CSMD2: variants seen among roughly 807,000 people sequenced by gnomAD.
The protein encoded by CSMD2 is CUB and Sushi multiple domains 2.
Under a neutral mutation model 398.5 loss-of-function variants are expected in CSMD2, and 130 were observed. The observed-to-expected ratio is 0.33, with a 90% CI of 0.28 to 0.38. CSMD2 has a LOEUF of 0.38. CSMD2 is among the 10% of genes least tolerant of loss of function. CSMD2 has a pLI of 1.00. For synonymous variants in CSMD2, 1,828 were observed against 1,908.5 expected, an observed-to-expected ratio of 0.96 and a Z score of 1.10; for missense variants, 3,829 against 4,764.9, an observed-to-expected ratio of 0.80 and a Z score of 5.78.
chr1:34,025,263 C>CTT lies in CSMD2; in HGVS notation c.517+7329_517+7330dup, dbSNP rs112779380. ...TAGCAAAAGCATACCAGGGTTTTGT[C>CTT]TTTTTTTTTCCAGAAGTGACACTAA... On this transcript the variant is annotated intron_variant, in intron 3 of 70. Transcript: ENST00000373381. 4.6e-4 allele frequency among the ~76,000 whole-genome samples: 69 copies of CTT among 151,564 alleles called. 1 individual carries two copies. The highest frequency in any genetic ancestry group is 7.4e-4 in the Non-Finnish European group (50 of 67,826).
intron 5 of CSMD2, among the ~76,000 whole-genome samples, chr1:33,872,764 G>A (rs144160721): frequency 6.6e-6 from 1 of 152,276 alleles, no homozygotes; most frequent in African/African-American, 2.4e-5. Flanking sequence ...TTCTCAGCAG[G>A]AAACAGGCTG....
intron 28 of CSMD2, among the ~76,000 whole-genome samples, chr1:33,647,509 G>A (rs2148952748): frequency 6.6e-6 from 1 of 152,250 alleles, no homozygotes; most frequent in East Asian, 1.9e-4. Context: ...TGAAAATGAT[G>A]GAAAATGCAT....
At chr1:33,717,414 G>C (rs541198995) in intron 19 of CSMD2, among the ~76,000 whole-genome samples, 80 of 152,072 alleles carry the variant, frequency 5.3e-4, no homozygotes, top group Non-Finnish European at 8.7e-4. Context: ...GAGCCTTCAG[G>C]GGTCAGGGTA....
chr1:34,042,627 A>G (rs1433779505), intron 2 of CSMD2, among the ~76,000 whole-genome samples: 1 of 152,158 alleles, frequency 6.6e-6, no homozygotes, highest in Non-Finnish European at 1.5e-5. Context: ...AAGTGAAATA[A>G]GAGATCTGGA....
At position 33,581,358 on chromosome 1, in the gene CSMD2, A is replaced by T. The variant is rs1185568594; in HGVS notation, c.7241-459T>A. The stretch of plus-strand genomic sequence containing the variant: ...CAAGCAAGACCCCATCTTTACTAAA[A>T]AAAAAAAAAAAAAAAAAAAAAAATA... On this transcript the variant is annotated intron_variant, in intron 47 of 70. Coordinates refer to ENST00000373381, the MANE Select transcript of CSMD2 (RefSeq NM_001281956.2). Among the ~76,000 whole-genome samples, 147 of 144,880 alleles carry T rather than the reference A, an allele frequency of 1.0e-3. 7 individuals carry two copies. The highest frequency in any genetic ancestry group is 3.3e-3 in the African/African-American group (130 of 39,336).
rs181229008 is a variant in CSMD2 at position 33,986,031 on chromosome 1, G to C, written c.517+46563C>G. 3.3e-5 allele frequency among the ~76,000 whole-genome samples: 5 copies of C among 152,258 alleles called. No individual in the cohort carries two copies. The East Asian group carries it at 9.7e-4, about 29-fold the overall frequency. On this transcript the variant is annotated intron_variant, in intron 3 of 70. Transcript: ENST00000373381. ...TAATAAGTCTGACTGCCCCAACCCAGGGAGCTCCTTGAGGGCAGAGGTGGC... is the reference window on the plus strand; with the variant it reads ...TAATAAGTCTGACTGCCCCAACCCACGGAGCTCCTTGAGGGCAGAGGTGGC...
chr1:33,950,655 C>T (rs531003576), intron 3 of CSMD2, among the ~76,000 whole-genome samples: 1 of 152,118 alleles, frequency 6.6e-6, no homozygotes, highest in Non-Finnish European at 1.5e-5. Context: ...ACAGCAAAGG[C>T]TAGGCTACTG....
chr1:33,714,994 G>T (rs1397869395), intron 20 of CSMD2, among the ~76,000 whole-genome samples: 1 of 152,060 alleles, frequency 6.6e-6, no homozygotes, highest in Admixed American at 6.6e-5. Flanking sequence ...ACATGGGGAA[G>T]CACGGGGAGG....
rs147456553 is a variant in CSMD2 at position 33,807,616 on chromosome 1, T to C, written c.1446+3127A>G. On this transcript the variant is annotated intron_variant, in intron 10 of 70. Coordinates refer to ENST00000373381, the MANE Select transcript of CSMD2 (RefSeq NM_001281956.2). ...ATAACAATAATAACTTGAGAAAAAA[T>C]TAAGGTAACATAATATACACACACC... Among the ~76,000 whole-genome samples, 377 of 151,824 alleles carry C rather than the reference T, an allele frequency of 2.5e-3. 3 individuals carry two copies. The highest frequency in any genetic ancestry group is 8.4e-3 in the African/African-American group (348 of 41,478).
chr1:33,922,198 G>C (rs1262104557), intron 4 of CSMD2, among the ~76,000 whole-genome samples: 1 of 152,152 alleles, frequency 6.6e-6, no homozygotes, highest in Admixed American at 6.5e-5. Context: ...GTGAGGCAGG[G>C]AATCAGCAGG....
chr1:33,540,597 G>A lies in CSMD2; in HGVS notation c.9559C>T (p.Gln3187Ter). 6.2e-7 allele frequency: 1 copy of A among 1,614,158 alleles called. No individual in the cohort carries two copies. Among genetic ancestry groups the A allele is most frequent in the Non-Finnish European group, 8.5e-7 (1 of 1,180,026 alleles). Reference sequence around the variant, plus strand: ...GTGAACACCGCGGGCAGGGAGAGCTGGTACCCCTCCAGGCAGGCATAAGTC... The same window carrying A: ...GTGAACACCGCGGGCAGGGAGAGCTAGTACCCCTCCAGGCAGGCATAAGTC... ...SVTYACLEGY[Q>*]LSLPAVFTCE... The change falls in exon 60 of 71, where the codon CAG (glutamine) becomes TAG (stop). Residue 3187 changes from glutamine to a stop codon, truncating the protein, a stop_gained. Coordinates refer to ENST00000373381, the MANE Select transcript of CSMD2 (RefSeq NM_001281956.2). LOFTEE classifies it high-confidence loss of function.
At chr1:34,022,564 T>C (rs1337068393) in intron 3 of CSMD2, among the ~76,000 whole-genome samples, 2 of 152,132 alleles carry the variant, frequency 1.3e-5, no homozygotes, top group Non-Finnish European at 2.9e-5. Context: ...CAAGAGGTAA[T>C]AGAATAGGGC....
At chr1:33,639,661 A>G (rs1258820031) in intron 29 of CSMD2, among the ~76,000 whole-genome samples, 1 of 152,176 alleles carries the variant, frequency 6.6e-6, no homozygotes, top group Non-Finnish European at 1.5e-5. Context: ...ATGGCTGCTG[A>G]ATTGTTTGGC....
At chr1:33,837,918 G>A (rs140099185) in intron 6 of CSMD2, among the ~76,000 whole-genome samples, 47 of 152,324 alleles carry the variant, frequency 3.1e-4, no homozygotes, top group African/African-American at 1.1e-3. Flanking sequence ...GTAAAGGTTA[G>A]CGGGACACAT....
rs796906555 is a variant in CSMD2, at chr1:34,083,984, C to CAA, written c.404+4991_404+4992dup. On this transcript the variant is annotated intron_variant, in intron 2 of 70. Coordinates refer to ENST00000373381, the MANE Select transcript of CSMD2 (RefSeq NM_001281956.2). ...TGTGGCTATTGTTGTCATCATCAATCAAAAAAAAAAAGGCAGTGGTCTCCT... is the reference window on the plus strand; with the variant it reads ...TGTGGCTATTGTTGTCATCATCAATCAAAAAAAAAAAAAGGCAGTGGTCTCCT... Among the ~76,000 whole-genome samples the CAA allele has an allele frequency of 4.1e-3, 595 of 143,690 alleles. 6 individuals are homozygous for CAA. The highest frequency in any genetic ancestry group is 0.025 in the Middle Eastern group (7 of 280). 94.3% of individuals were successfully genotyped at this position (143,690 alleles called of 152,430 possible). A position where few individuals can be genotyped will look rare whatever the true frequency, so the allele number is the denominator to read the frequency against.
At chr1:33,597,458 T>A (rs1258445024) in intron 44 of CSMD2, among the ~76,000 whole-genome samples, 1 of 152,220 alleles carries the variant, frequency 6.6e-6, no homozygotes, top group Non-Finnish European at 1.5e-5. Flanking sequence ...AGGAAAGCTG[T>A]CTGGGGAGCA....
chr1:33,800,857 T>C (rs994580112), intron 10 of CSMD2, among the ~76,000 whole-genome samples: 3 of 151,872 alleles, frequency 2.0e-5, no homozygotes. Context: ...TATTAAAGGG[T>C]CCCCCAGATG....
chr1:33,905,879 G>A (rs966868166), intron 5 of CSMD2, among the ~76,000 whole-genome samples: 2 of 152,170 alleles, frequency 1.3e-5, no homozygotes, highest in African/African-American at 2.4e-5. Context: ...GCTCATCCCC[G>A]TTTCCTGGCT....
In CSMD2 at chr1:33,631,777, G is replaced by A. The variant is rs114717036; in HGVS notation, c.5200+1645C>T. Among the ~76,000 whole-genome samples, 613 of 152,166 alleles carry A rather than the reference G, an allele frequency of 4.0e-3. 4 individuals are homozygous for A. Among genetic ancestry groups the A allele is most frequent in the African/African-American group, 0.014 (566 of 41,536 alleles). ...AAACGTGAGTTCACCCTAATTTAAC[G>A]TGTAAGTTTTATTAAATCCCAGTCA... On this transcript the variant is annotated intron_variant, in intron 32 of 70. Coordinates refer to ENST00000373381, the MANE Select transcript of CSMD2 (RefSeq NM_001281956.2).
Sources: gnomAD v4.1 joint callset for allele counts (sites outside exome capture counted in the v4.1 genomes callset) on GRCh38, gnomAD v4.1.1 for gene constraint, MANE v1.5 for transcripts, NCBI Gene and HGNC (gene_info 2026-07-23, HGNC 2026-07-21) for gene names.